Variants in NEMP2 observed in about 807,000 individuals in gnomAD.
The protein encoded by NEMP2 is nuclear envelope integral membrane protein 2, also known as UPF0571 transmembrane protein.
Under a neutral mutation model 54.2 loss-of-function variants are expected in NEMP2, and 53 were observed. The observed-to-expected ratio is 0.98, with a 90% CI of 0.78 to 1.23. The LOEUF is 1.23. Among genes scored for constraint, NEMP2 ranks in the 50% most tolerant of loss-of-function variants. NEMP2 has a pLI of 0.00. For synonymous variants in NEMP2, 197 were observed against 190.3 expected (o/e 1.04, Z -0.29); for missense variants, 455 against 511.3 (o/e 0.89, Z 1.06).
At chr2:190,468,722 G>T in the NEMP2 span, among the ~76,000 whole-genome samples, 1 of 151,636 alleles carries the variant, frequency 6.6e-6, no homozygotes, top group Admixed American at 6.6e-5. Context: ...GCCTCCCAGG[G>T]TGCTCAGATT....
chr2:190,576,222 T>C, the NEMP2 span, among the ~76,000 whole-genome samples: 13 of 152,270 alleles, frequency 8.5e-5, no homozygotes, highest in South Asian at 2.7e-3. Context: ...CCTTCTGCCT[T>C]AGCCTCCCAA....
At chr2:190,504,080 G>A (rs941902846), downstream of NEMP2, among the ~76,000 whole-genome samples, 2 of 152,150 alleles carry the variant, frequency 1.3e-5, no homozygotes, top group Non-Finnish European at 2.9e-5. This position sits in a 1 kb window ranked among gnomAD's most constrained non-coding sequence, Gnocchi z 5.6. Context: ...ACAATGTTGG[G>A]GTTAGGAGTG....
chr2:190,618,116 A>T, the NEMP2 span, among the ~76,000 whole-genome samples: 1 of 152,236 alleles, frequency 6.6e-6, no homozygotes, highest in Non-Finnish European at 1.5e-5. Flanking sequence ...GAAGCCCAAG[A>T]CCTGAGCAGG....
At chr2:190,627,157 C>T in the NEMP2 span, among the ~76,000 whole-genome samples, 1 of 152,186 alleles carries the variant, frequency 6.6e-6, no homozygotes, top group African/African-American at 2.4e-5. The surrounding 1 kb of genome is among the most constrained non-coding windows in gnomAD (Gnocchi z 4.4). Context: ...GGACAACGTC[C>T]ATTTTATTTT....
In NEMP2 at chr2:190,525,351, T is replaced by A; in HGVS notation, c.125A>T (p.Lys42Ile). ...SVRRCKALKEKDLIRTSESDC... is the reference protein window; with the variant it reads ...SVRRCKALKEIDLIRTSESDC... The stretch of plus-strand genomic sequence containing the variant: ...TGACTCAGACGTTCTAATTAAATCT[T>A]TTTCCTTCAAAGCTTTACACCTACG... The change falls in exon 2 of 9, where the codon AAA (lysine) becomes ATA (isoleucine). Residue 42 changes from lysine to isoleucine, a missense_variant. This residue lies in a region of NEMP2 where 100 missense variants were observed against 80.2 expected (regional missense o/e 1.25). Coordinates refer to ENST00000409150, the MANE Select transcript of NEMP2 (RefSeq NM_001142645.2). The surrounding 1 kb of genome is among the most constrained non-coding windows in gnomAD (Gnocchi z 5.0). The A allele has an allele frequency of 6.5e-7, 1 of 1,549,408 alleles. No homozygotes were observed.
chr2:190,602,741 G>A, the NEMP2 span, among the ~76,000 whole-genome samples: 2 of 152,326 alleles, frequency 1.3e-5, no homozygotes, highest in East Asian at 1.9e-4. Context: ...TCTGGCTGGG[G>A]CAGAGAATGG....
the NEMP2 span, among the ~76,000 whole-genome samples, chr2:190,484,919 T>C: frequency 2.0e-5 from 3 of 152,182 alleles, no homozygotes; most frequent in African/African-American, 7.2e-5. Context: ...ATCAGAAATT[T>C]TGTTTTTGTG....
chr2:190,611,134 G>T, the NEMP2 span: 1 of 152,088 alleles, frequency 6.6e-6, no homozygotes, highest in African/African-American at 2.4e-5. The surrounding 1 kb of genome is among the most constrained non-coding windows in gnomAD (Gnocchi z 5.4). Context: ...AATTGACAAG[G>T]ATATCTGTTA....
At chr2:190,571,521 T>A in the NEMP2 span, among the ~76,000 whole-genome samples, 2 of 151,792 alleles carry the variant, frequency 1.3e-5, no homozygotes, top group Non-Finnish European at 2.9e-5. Flanking sequence ...TCAGTCTGGG[T>A]GACAGAGTGA....
chr2:190,638,827 TA>T, the NEMP2 span, among the ~76,000 whole-genome samples: 2 of 152,066 alleles, frequency 1.3e-5, no homozygotes, highest in Non-Finnish European at 2.9e-5. This position sits in a 1 kb window ranked among gnomAD's most constrained non-coding sequence, Gnocchi z 5.7. Context: ...TCTCCTCCCC[TA>T]AGGAACCAGA....
At chr2:190,557,248 G>A in the NEMP2 span, among the ~76,000 whole-genome samples, 1 of 152,120 alleles carries the variant, frequency 6.6e-6, no homozygotes. Context: ...TTTAATAAAT[G>A]GTATTGGGAA....
the NEMP2 span, among the ~76,000 whole-genome samples, chr2:190,477,965 G>A: frequency 2.0e-5 from 3 of 152,182 alleles, no homozygotes; most frequent in African/African-American, 2.4e-5. Flanking sequence ...AGCTGTGTGC[G>A]AAGGCACAGA....
In NEMP2 at chr2:190,517,694, C is replaced by T; in HGVS notation, c.519-81G>A. On this transcript the variant is annotated intron_variant, in intron 4 of 8. Coordinates refer to ENST00000409150, the MANE Select transcript of NEMP2 (RefSeq NM_001142645.2). ...AAAAACATGTTTAACCTGGCAACAT[C>T]AGTCATAAATAACACTAAGAACAGA... 6 of 981,912 alleles carry T rather than the reference C, an allele frequency of 6.1e-6. No homozygotes were observed. In the East Asian group the frequency reaches 8.0e-5, roughly 13 times the overall value. 60.8% of individuals were successfully genotyped at this position (981,912 alleles called of 1,614,324 possible). A position where few individuals can be genotyped will look rare whatever the true frequency, so the allele number is the denominator to read the frequency against.
Position 190,533,591 on chromosome 2 carries a change from C to T in NEMP2, c.97+968G>A, listed in dbSNP as rs1438499281. ...GAGCTGTGGCAGAATCTGATAATGA[C>T]CTCATCAACATCCAGTCTCTCATTC... On this transcript the variant is annotated intron_variant, in intron 1 of 8. Coordinates refer to ENST00000409150, the MANE Select transcript of NEMP2 (RefSeq NM_001142645.2). This position sits in a 1 kb window ranked among gnomAD's most constrained non-coding sequence, Gnocchi z 4.3. Among the ~76,000 whole-genome samples, 2 of 152,108 alleles carry T rather than the reference C, an allele frequency of 1.3e-5. No individual in the cohort carries two copies. The highest frequency in any genetic ancestry group is 1.3e-4 in the Admixed American group (2 of 15,268).
chr2:190,486,877 G>C, the NEMP2 span, among the ~76,000 whole-genome samples: 1 of 152,160 alleles, frequency 6.6e-6, no homozygotes. Flanking sequence ...TACATTTAAA[G>C]CAGTGTCTTA....
At chr2:190,447,532 G>A in the NEMP2 span, among the ~76,000 whole-genome samples, 3 of 152,144 alleles carry the variant, frequency 2.0e-5, no homozygotes, top group African/African-American at 7.2e-5. This position sits in a 1 kb window ranked among gnomAD's most constrained non-coding sequence, Gnocchi z 4.5. Context: ...CCTACCTAGT[G>A]ATATAAAGAA....
At chr2:190,500,458 C>T, downstream of NEMP2, 1 of 523,286 alleles carries the variant, frequency 1.9e-6, no homozygotes, top group Non-Finnish European at 3.4e-6. This position sits in a 1 kb window ranked among gnomAD's most constrained non-coding sequence, Gnocchi z 5.3. Flanking sequence ...TCAATGAGGA[C>T]TTTCAGTTCT....
At position 190,506,820 on chromosome 2, in the gene NEMP2, C is replaced by T. The variant is rs556768418; in HGVS notation, c.*2369G>A. 6.6e-6 allele frequency: 1 copy of T among 152,280 alleles called. No individual in the cohort carries two copies. The highest frequency in any genetic ancestry group is 2.4e-5 in the African/African-American group (1 of 41,540). The allele number at this position is 152,280 out of a possible 1,614,324, so 9.4% of individuals were successfully genotyped here. On this transcript the variant is annotated 3_prime_UTR_variant, in exon 9 of 9. Transcript: ENST00000409150. The surrounding 1 kb of genome is among the most constrained non-coding windows in gnomAD (Gnocchi z 6.3). ...GCACCAAGCATAAGCAGTAAAATAACAAAGGGATCTGTTAGGCTCCATAAT... is the reference window on the plus strand; with the variant it reads ...GCACCAAGCATAAGCAGTAAAATAATAAAGGGATCTGTTAGGCTCCATAAT...
chr2:190,555,322 T>G, the NEMP2 span, among the ~76,000 whole-genome samples: 1 of 152,134 alleles, frequency 6.6e-6, no homozygotes, highest in South Asian at 2.1e-4. The surrounding 1 kb of genome is among the most constrained non-coding windows in gnomAD (Gnocchi z 4.8). Flanking sequence ...AGAATGAGTT[T>G]GACAAATTGA....
Sources: allele counts gnomAD v4.1 joint callset (sites outside exome capture counted in the v4.1 genomes callset), GRCh38; gene constraint gnomAD v4.1.1; regional missense constraint gnomAD v4.1.1; non-coding constraint Gnocchi (gnomAD v3.1); transcripts MANE v1.5; gene names NCBI Gene and HGNC (gene_info 2026-07-23, HGNC 2026-07-21).